The following GPR179 variants were observed in gnomAD, a reference collection of about 807,000 sequenced individuals.
GPR179 encodes the protein G protein-coupled receptor 179.
A neutral mutation model predicts 70.8 loss-of-function variants in GPR179; 52 were observed. The observed-to-expected ratio is 0.73, with a 90% CI of 0.59 to 0.93. GPR179 has a LOEUF of 0.93. GPR179 is among the 40% of genes least tolerant of loss of function. The pLI is 0.00. For missense variants in GPR179, 2,734 were observed against 2,966.8 expected, an observed-to-expected ratio of 0.92 and a Z score of 1.82; for synonymous variants, 1,123 against 1,169.0, an observed-to-expected ratio of 0.96 and a Z score of 0.80.
At position 38,343,058 on chromosome 17, in the gene GPR179, T is replaced by A; in HGVS notation, c.732A>T (p.Gly244=). 6.2e-7 allele frequency: 1 copy of A among 1,613,956 alleles called. No homozygotes were observed. Among genetic ancestry groups the A allele is most frequent in the Non-Finnish European group, 8.5e-7 (1 of 1,179,892 alleles). The part of the protein sequence containing the change: ...LECQEGRLRP[G]WLITLSATFY... ...AGGTGGCAGAGAGTGTGATCAGCCA[T>A]CCAGGTCGGAGCCGTCCCTCCTGGC... The change falls in exon 1 of 11, where the codon GGA becomes GGT. Residue 244 remains glycine, a synonymous_variant. Coordinates refer to ENST00000616987, the MANE Select transcript of GPR179 (RefSeq NM_001004334.4). This position sits in a 1 kb window ranked among gnomAD's most constrained non-coding sequence, Gnocchi z 4.2.
rs774174387 is a variant in GPR179 at position 38,327,989 on chromosome 17, T to C, written c.5580A>G (p.Ser1860=). Residue 1860 remains serine, a synonymous_variant, in exon 11 of 11, where the codon TCA becomes TCG. Transcript: ENST00000616987. The stretch of plus-strand genomic sequence containing the variant: ...GTTGACACAGTTTTGCCATCCCTTT[T>C]GATACGTCTTCTCCCAGGGAAGTGA... ...GRLTSLGEDV[S]KGMAKLCQQQ... 1.2e-6 allele frequency: 2 copies of C among 1,614,154 alleles called. No homozygotes were observed. Among genetic ancestry groups the C allele is most frequent in the Admixed American group, 3.3e-5 (2 of 60,016 alleles).
intron 1 of GPR179, 68 bp downstream of exon 1, chr17:38,342,918 CAGGCACAGCT>C: frequency 7.1e-7 from 1 of 1,411,928 alleles, no homozygotes; most frequent in African/African-American, 1.4e-5. Context: ...CCAAATGGCC[CAGGCACAGCT>C]GAGGGGACCT....
At chr17:38,339,662 A>T in intron 1 of GPR179, 137 bp from the exon 2 acceptor site, 1 of 641,618 alleles carries the variant, frequency 1.6e-6, no homozygotes, top group Non-Finnish European at 2.8e-6. Context: ...GAACTAAAGG[A>T]GATTAGAAGG....
At position 38,331,088 on chromosome 17, in the gene GPR179, C is replaced by G; in HGVS notation, c.2481G>C (p.Glu827Asp). Residue 827 changes from glutamate (E) to aspartate (D), a missense_variant, in exon 11 of 11, where the codon GAG becomes GAC. Transcript: ENST00000616987. ...AGGCGGGCCGGGCTCTGGGTAGCCT[C>G]TCTCCCACCGTCAGGTTGTGGGCGC... ...SASAHNLTVGERLPRARPASL... is the reference protein window; with the variant it reads ...SASAHNLTVGDRLPRARPASL... The G allele has an allele frequency of 6.2e-7, 1 of 1,600,930 alleles. No homozygotes were observed. Among genetic ancestry groups the G allele is most frequent in the Non-Finnish European group, 8.5e-7 (1 of 1,179,238 alleles).
rs80145428 is a variant in GPR179 at position 38,327,196 on chromosome 17, C to T, written c.6373G>A (p.Ala2125Thr). 5.5e-5 allele frequency: 89 copies of T among 1,614,222 alleles called. No homozygotes were observed. In the East Asian group the frequency reaches 1.8e-3, roughly 34 times the overall value. Residue 2125 changes from alanine to threonine, a missense_variant, in exon 11 of 11, where the codon GCC (alanine) becomes ACC (threonine). Coordinates refer to ENST00000616987, the MANE Select transcript of GPR179 (RefSeq NM_001004334.4). ...CAAGGGCAGATCTCTGCTTTCTTGG[C>T]AGAGGGAGCCTCTACCACTTCCCAC... ...CLWEVVEAPS[A>T]KKAEICPWEA... is the part of the protein sequence containing the mutation.
At chr17:38,337,752 TG>T in intron 2 of GPR179, 32 bp from the exon 3 acceptor site, 1 of 1,579,624 alleles carries the variant, frequency 6.3e-7, no homozygotes, top group Non-Finnish European at 8.7e-7. Context: ...TATGTGTTTA[TG>T]TGGGGCTTTC....
At chr17:38,340,415 T>C (rs2037439658) in intron 1 of GPR179, among the ~76,000 whole-genome samples, 1 of 152,250 alleles carries the variant, frequency 6.6e-6, no homozygotes, top group Non-Finnish European at 1.5e-5. Flanking sequence ...TAGCTGGGAC[T>C]ACAAACATAT....
intron 4 of GPR179, 117 bp downstream of exon 4, chr17:38,336,860 AG>A: frequency 3.9e-6 from 4 of 1,036,532 alleles, no homozygotes; most frequent in Non-Finnish European, 5.6e-6. Context: ...CTACACAGTG[AG>A]TTAGATTTAG....
intron 3 of GPR179, 139 bp from the exon 4 acceptor site, chr17:38,337,352 C>T: frequency 7.9e-7 from 1 of 1,269,044 alleles, no homozygotes; most frequent in Non-Finnish European, 1.1e-6. Flanking sequence ...GGAATGGGTG[C>T]TTCCTTGGGA....
intron 3 of GPR179, 119 bp from the exon 4 acceptor site, chr17:38,337,332 G>T: frequency 7.4e-7 from 1 of 1,351,636 alleles, no homozygotes; most frequent in Non-Finnish European, 9.9e-7. Flanking sequence ...TGGGGCTCCA[G>T]GGACAAGTGG....
chr17:38,327,025 C>T lies in GPR179; in HGVS notation c.6544G>A (p.Val2182Ile), dbSNP rs1246319723. 1.2e-6 allele frequency: 2 copies of T among 1,614,238 alleles called. No homozygotes were observed. The highest frequency in any genetic ancestry group is 1.7e-6 in the Non-Finnish European group (2 of 1,180,040). ...AAAKPREQEA[V>I]CPGEGTGSGG... ...GAGCCTGTGCCTTCCCCAGGGCAGA[C>T]TGCCTCCTGCTCTCTGGGCTTTGCT... Residue 2182 changes from valine to isoleucine, a missense_variant, in exon 11 of 11, where the codon GTC becomes ATC. Val to Ile is a conservative substitution (Grantham distance 29). Coordinates refer to ENST00000616987, the MANE Select transcript of GPR179 (RefSeq NM_001004334.4).
In GPR179 at chr17:38,343,718, C is replaced by G. The variant is rs1201956744; in HGVS notation, c.72G>C (p.Trp24Cys). ...GLLGCCFVCAWALGGPRPIRS... is the reference protein window; with the variant it reads ...GLLGCCFVCACALGGPRPIRS... Reference sequence around the variant, plus strand: ...GGATGGGCCGTGGACCCCCCAGAGCCCAGGCACAGACAAAACAGCAGCCCA... The same window carrying G: ...GGATGGGCCGTGGACCCCCCAGAGCGCAGGCACAGACAAAACAGCAGCCCA... The change falls in exon 1 of 11, where the codon TGG (tryptophan) becomes TGC (cysteine). Residue 24 changes from tryptophan (W) to cysteine (C), a missense_variant. Transcript: ENST00000616987. This position sits in a 1 kb window ranked among gnomAD's most constrained non-coding sequence, Gnocchi z 4.2. The G allele has an allele frequency of 1.3e-6, 2 of 1,579,880 alleles. No individual in the cohort carries two copies. The highest frequency in any genetic ancestry group is 3.5e-5 in the Admixed American group (2 of 56,456).
rs2037461274 is a variant in GPR179, at chr17:38,342,939, G to A, written c.794+57C>T. On this transcript the variant is annotated intron_variant, in intron 1 of 10. Transcript: ENST00000616987. ...GGCCCAGGCACAGCTGAGGGGACCTGTACTTCCTTCCCCTACATCCCCACA... is the reference window on the plus strand; with the variant it reads ...GGCCCAGGCACAGCTGAGGGGACCTATACTTCCTTCCCCTACATCCCCACA... 8 of 1,504,338 alleles carry A rather than the reference G, an allele frequency of 5.3e-6. No homozygotes were observed. In the African/African-American group the frequency reaches 6.9e-5, roughly 13 times the overall value. The allele number at this position is 1,504,338 out of a possible 1,614,324, so 93.2% of individuals were successfully genotyped here. A position where few individuals can be genotyped will look rare whatever the true frequency, so the allele number is the denominator to read the frequency against.
Position 38,334,512 on chromosome 17 carries a change from C to T in GPR179, c.1784+192G>A, listed in dbSNP as rs557403851. On this transcript the variant is annotated intron_variant, in intron 8 of 10. Transcript: ENST00000616987. This position sits in a 1 kb window ranked among gnomAD's most constrained non-coding sequence, Gnocchi z 4.7. Reference sequence around the variant, plus strand: ...TCCTCTTCTGTGTTGGGGGCCTCCTCACCTGGGCCAGGCATGGAGTACAGA... The same window carrying T: ...TCCTCTTCTGTGTTGGGGGCCTCCTTACCTGGGCCAGGCATGGAGTACAGA... Among the ~76,000 whole-genome samples, 20 of 151,750 alleles carry T rather than the reference C, an allele frequency of 1.3e-4. No homozygotes were observed. The highest frequency in any genetic ancestry group is 2.1e-4 in the South Asian group (1 of 4,808).
chr17:38,339,220 T>G (rs2037429587), intron 2 of GPR179, 197 bp downstream of exon 2: 4 of 515,814 alleles, frequency 7.8e-6, no homozygotes, highest in Non-Finnish European at 6.8e-6. Flanking sequence ...GAATAGGGGG[T>G]GGGGGGGCAG....
chr17:38,327,748 C>G lies in GPR179; in HGVS notation c.5821G>C (p.Glu1941Gln), dbSNP rs377617935. ...QEKAPAADTE[E>Q]FTTEDGEKTS... is the part of the protein sequence containing the mutation. ...TTTTCCCCATCTTCAGTAGTGAATTCTTCTGTGTCTGCAGCTGGAGCTTTT... is the reference window on the plus strand; with the variant it reads ...TTTTCCCCATCTTCAGTAGTGAATTGTTCTGTGTCTGCAGCTGGAGCTTTT... The change falls in exon 11 of 11, where the codon GAA becomes CAA. Residue 1941 changes from glutamate (E) to glutamine (Q), a missense_variant. Physicochemically the swap from Glu to Gln is conservative, Grantham distance 29. Transcript: ENST00000616987. 11 of 1,614,028 alleles carry G rather than the reference C, an allele frequency of 6.8e-6. No homozygotes were observed. The African/African-American group carries it at 9.3e-5, about 14-fold the overall frequency.
At chr17:38,332,504 G>T (rs1401245275) in intron 10 of GPR179, among the ~76,000 whole-genome samples, 1 of 152,202 alleles carries the variant, frequency 6.6e-6, no homozygotes, top group Non-Finnish European at 1.5e-5. Context: ...AGGGAAAGGG[G>T]ATCCTGGTGG....
In GPR179 at chr17:38,327,592, T is replaced by C; in HGVS notation, c.5977A>G (p.Arg1993Gly). ...SSQRLVSTGGRAADVCPWDVP... is the reference protein window; with the variant it reads ...SSQRLVSTGGGAADVCPWDVP... ...TCCCATGGGCACACGTCAGCGGCCC[T>C]GCCCCCAGTGCTGACCAGTCTCTGG... The change falls in exon 11 of 11, where the codon AGG becomes GGG. Residue 1993 changes from arginine (R) to glycine (G), a missense_variant. Physicochemically the swap from Arg to Gly is moderately radical, Grantham distance 125 (BLOSUM62 -2). Coordinates refer to ENST00000616987, the MANE Select transcript of GPR179 (RefSeq NM_001004334.4). 1.2e-6 allele frequency: 2 copies of C among 1,614,166 alleles called. No homozygotes were observed. Among genetic ancestry groups the C allele is most frequent in the Non-Finnish European group, 1.7e-6 (2 of 1,180,034 alleles).
intron 2 of GPR179, among the ~76,000 whole-genome samples, chr17:38,338,562 G>C (rs1374056846): frequency 1.3e-5 from 2 of 152,218 alleles, no homozygotes; most frequent in Non-Finnish European, 2.9e-5. Context: ...ACCCAGAGAA[G>C]TGAATGTGTC....
Sources: gnomAD v4.1 joint callset for allele counts (sites outside exome capture counted in the v4.1 genomes callset) on GRCh38, gnomAD v4.1.1 for gene constraint, Gnocchi (gnomAD v3.1) non-coding constraint, MANE v1.5 for transcripts, NCBI Gene and HGNC (gene_info 2026-07-23, HGNC 2026-07-21) for gene names.